DNAAF9: variants seen among roughly 807,000 people sequenced by gnomAD.
DNAAF9 encodes the protein dynein axonemal assembly factor 9.
Under a neutral mutation model 167.0 loss-of-function variants are expected in DNAAF9, and 90 were observed. That is an observed-to-expected ratio of 0.54 (90% CI 0.45 to 0.64). The LOEUF is 0.64. Among genes scored for constraint, DNAAF9 ranks in the 30% least tolerant of loss-of-function variants. The pLI, the probability that DNAAF9 is intolerant of heterozygous loss-of-function variation, is 0.00. For missense variants in DNAAF9, 1,315 were observed against 1,442.2 expected (o/e 0.91, Z 1.43); for synonymous variants, 491 against 508.8 (o/e 0.96, Z 0.47).
chr20:3,258,974 C>G (rs1031094333), intron 33 of DNAAF9, among the ~76,000 whole-genome samples: 1 of 152,232 alleles, frequency 6.6e-6, no homozygotes, highest in African/African-American at 2.4e-5. Context: ...CTGACTCCTA[C>G]TGGTTTTGAG....
chr20:3,303,935 T>C (rs1276110345), intron 21 of DNAAF9, among the ~76,000 whole-genome samples: 1 of 152,142 alleles, frequency 6.6e-6, no homozygotes, highest in Non-Finnish European at 1.5e-5. Context: ...AGTCTGGGTG[T>C]GTGAGGGAGG....
Position 3,278,958 on chromosome 20 carries a change from A to C in DNAAF9, c.2613-9T>G. The C allele has an allele frequency of 1.3e-6, 2 of 1,573,846 alleles. No individual in the cohort carries two copies. The highest frequency in any genetic ancestry group is 8.7e-7 in the Non-Finnish European group (1 of 1,145,582). On this transcript the variant is annotated splice_polypyrimidine_tract_variant and intron_variant, in intron 28 of 36. Transcript: ENST00000252032. ...ATTTAGGAAAGAGAAATCTAGGGGG[A>C]AAAAAGGGGGAAATATTTAAAAACC...
chr20:3,327,546 G>T (rs1476301397), intron 12 of DNAAF9, among the ~76,000 whole-genome samples: 3 of 152,154 alleles, frequency 2.0e-5, no homozygotes, highest in East Asian at 3.8e-4. Flanking sequence ...ACCTAAAAAT[G>T]TGTCTATTTT....
At chr20:3,287,969 G>T (rs1236325273) in intron 26 of DNAAF9, among the ~76,000 whole-genome samples, 179 bp from the exon 27 acceptor site, 1 of 152,204 alleles carries the variant, frequency 6.6e-6, no homozygotes. Context: ...TGGGTTGGAA[G>T]CCCAGTATCC....
At chr20:3,294,288 C>T in intron 24 of DNAAF9, 32 bp from the exon 25 acceptor site, 1 of 1,393,492 alleles carries the variant, frequency 7.2e-7, no homozygotes, top group Non-Finnish European at 1.0e-6. Context: ...TATTATGTTA[C>T]CATCCTAGCC....
intron 6 of DNAAF9, among the ~76,000 whole-genome samples, chr20:3,364,940 CTTT>C (rs73616151): frequency 7.0e-6 from 1 of 143,034 alleles, no homozygotes; most frequent in Non-Finnish European, 1.5e-5. Flanking sequence ...CCTTCTTTTC[CTTT>C]TTTCTTTTTT....
In DNAAF9 at chr20:3,249,782, C is replaced by A. The variant is rs1400847656; in HGVS notation, c.*2790G>T. On this transcript the variant is annotated 3_prime_UTR_variant, in exon 37 of 37. Transcript: ENST00000252032. Reference sequence around the variant, plus strand: ...CCAAGGAGCAACCCAGAGCTTCTTACTGTGCAAAAATTCTCCAAAATCCTA... The same window carrying A: ...CCAAGGAGCAACCCAGAGCTTCTTAATGTGCAAAAATTCTCCAAAATCCTA... 1.3e-5 allele frequency: 2 copies of A among 152,146 alleles called. No homozygotes were observed. The highest frequency in any genetic ancestry group is 2.9e-5 in the Non-Finnish European group (2 of 68,022). 9.4% of individuals were successfully genotyped at this position (152,146 alleles called of 1,614,324 possible). A position where few individuals can be genotyped will look rare whatever the true frequency, so the allele number is the denominator to read the frequency against.
chr20:3,362,187 T>C, intron 6 of DNAAF9: 2 of 1,433,362 alleles, frequency 1.4e-6, no homozygotes, highest in Non-Finnish European at 1.9e-6. Context: ...CTGTCCATCT[T>C]GTAAGTGTCA....
intron 23 of DNAAF9, chr20:3,295,672 C>G: frequency 1.8e-6 from 1 of 544,510 alleles, no homozygotes. Context: ...ACATTAGAGA[C>G]AAACTGTAAC....
At chr20:3,288,732 G>T (rs898871900) in intron 26 of DNAAF9, among the ~76,000 whole-genome samples, 7 of 152,138 alleles carry the variant, frequency 4.6e-5, no homozygotes, top group African/African-American at 1.7e-4. Flanking sequence ...ATCTGCAAGG[G>T]TTGTTTGGTA....
At chr20:3,364,960 T>C (rs2083411571) in intron 6 of DNAAF9, among the ~76,000 whole-genome samples, 1 of 150,822 alleles carries the variant, frequency 6.6e-6, no homozygotes, top group African/African-American at 2.4e-5. Context: ...TTTTTTTTTT[T>C]TGAAATAGAG....
At chr20:3,388,861 T>C (rs1385057513) in intron 1 of DNAAF9, among the ~76,000 whole-genome samples, 1 of 152,090 alleles carries the variant, frequency 6.6e-6, no homozygotes, top group African/African-American at 2.4e-5. Flanking sequence ...GTTGTGTGGA[T>C]GGATGGTGGT....
At chr20:3,266,100 AT>A (rs1461838800) in intron 30 of DNAAF9, among the ~76,000 whole-genome samples, 1 of 152,094 alleles carries the variant, frequency 6.6e-6, no homozygotes, top group Admixed American at 6.6e-5. Flanking sequence ...CCACACTTGG[AT>A]TTGTCTGTTT....
chr20:3,264,753 A>G (rs2122772343), intron 30 of DNAAF9, among the ~76,000 whole-genome samples: 1 of 152,280 alleles, frequency 6.6e-6, no homozygotes, highest in East Asian at 1.9e-4. Flanking sequence ...TACTTTCAGT[A>G]GGGACGGGGT....
At chr20:3,332,890 GT>G (rs1426907079) in intron 10 of DNAAF9, among the ~76,000 whole-genome samples, 4 of 134,380 alleles carry the variant, frequency 3.0e-5, no homozygotes, top group African/African-American at 9.3e-5. Context: ...GTGTGTGCGT[GT>G]GTGCGTGTGG....
intron 6 of DNAAF9, chr20:3,362,208 ATCT>A: frequency 7.0e-7 from 1 of 1,434,846 alleles, no homozygotes; most frequent in Non-Finnish European, 9.7e-7. Context: ...TGTCTTCGTA[ATCT>A]TCTAGACCCC....
At chr20:3,387,884 TAAAAAAAAAAA>T (rs557861791) in intron 1 of DNAAF9, among the ~76,000 whole-genome samples, 2,841 of 87,472 alleles carry the variant, frequency 0.032, 121 homozygotes, top group African/African-American at 0.11. Flanking sequence ...CTACAAAAAG[TAAAAAAAAAAA>T]AAAAAAAAAA....
rs557861791 is a variant in DNAAF9, at chr20:3,387,884, T to TAAAAAAAAAA, written c.84-5388_84-5379dup. Among the ~76,000 whole-genome samples, 567 of 87,314 alleles carry TAAAAAAAAAA rather than the reference T, an allele frequency of 6.5e-3. 32 individuals are homozygous for TAAAAAAAAAA. Among genetic ancestry groups the TAAAAAAAAAA allele is most frequent in the African/African-American group, 0.011 (224 of 20,768 alleles). 57.3% of individuals were successfully genotyped at this position (87,314 alleles called of 152,430 possible). ...AGGGAGACCCTGTCTCTACAAAAAGTAAAAAAAAAAAAAAAAAAAAAAAAA... is the reference window on the plus strand; with the variant it reads ...AGGGAGACCCTGTCTCTACAAAAAGTAAAAAAAAAAAAAAAAAAAAAAAAAAAAAAAAAAA... On this transcript the variant is annotated intron_variant, in intron 1 of 36. Coordinates refer to ENST00000252032, the MANE Select transcript of DNAAF9 (RefSeq NM_001009984.3).
chr20:3,356,921 T>G (rs1312804946), intron 7 of DNAAF9, among the ~76,000 whole-genome samples: 2 of 152,150 alleles, frequency 1.3e-5, no homozygotes, highest in Non-Finnish European at 2.9e-5. Context: ...AAAAAAGGTA[T>G]GAAAAAATAA....
Sources: allele counts gnomAD v4.1 joint callset (sites outside exome capture counted in the v4.1 genomes callset), GRCh38; gene constraint gnomAD v4.1.1; transcripts MANE v1.5; gene names NCBI Gene and HGNC (gene_info 2026-07-23, HGNC 2026-07-21).